MICAL3: variants seen among roughly 807,000 people sequenced by gnomAD.
The protein encoded by MICAL3 is [F-actin]-monooxygenase MICAL3.
A neutral mutation model predicts 207.4 loss-of-function variants in MICAL3; 62 were observed. That is an observed-to-expected ratio of 0.30 (90% confidence interval 0.24 to 0.37). MICAL3 has a LOEUF of 0.37. Among genes scored for constraint, MICAL3 ranks in the 10% least tolerant of loss-of-function variants. The probability of loss-of-function intolerance (pLI) is 1.00; values close to 1 mark genes in which losing one functional copy is unlikely to be tolerated. For missense variants in MICAL3, 2,368 were observed against 2,635.6 expected, an observed-to-expected ratio of 0.90 and a Z score of 2.22; for synonymous variants, 1,077 against 1,069.3, an observed-to-expected ratio of 1.01 and a Z score of -0.14.
chr22:17,801,747 A>T (rs2061942200), intron 29 of MICAL3, among the ~76,000 whole-genome samples: 1 of 151,980 alleles, frequency 6.6e-6, no homozygotes, highest in Admixed American at 6.6e-5. Flanking sequence ...CACAAAAATT[A>T]GCTGGGTGGG....
chr22:17,933,621 C>T (rs1933375201), intron 1 of MICAL3, among the ~76,000 whole-genome samples: 1 of 152,122 alleles, frequency 6.6e-6, no homozygotes, highest in Admixed American at 6.5e-5. Flanking sequence ...TAACTAAGAT[C>T]AGGGCAGAAC....
rs190590105 is a variant in MICAL3, at chr22:17,805,364, T to C, written c.5650+3480A>G. Among the ~76,000 whole-genome samples, 753 of 152,348 alleles carry C rather than the reference T, an allele frequency of 4.9e-3. 2 individuals are homozygous for C. The highest frequency in any genetic ancestry group is 8.6e-3 in the Non-Finnish European group (585 of 68,038). On this transcript the variant is annotated intron_variant, in intron 29 of 31. Transcript: ENST00000441493. ...GGGGCAGGGCCACGGGGAACTGTGA[T>C]GGGAGACCAGCTTGGAAGGGATGTA...
chr22:17,834,767 G>C (rs996087665), intron 20 of MICAL3, among the ~76,000 whole-genome samples: 7 of 152,158 alleles, frequency 4.6e-5, no homozygotes, highest in African/African-American at 1.7e-4. Context: ...ACCTTTATTG[G>C]TATTCTTTCT....
At chr22:17,819,740 C>T (rs1377096138) in intron 25 of MICAL3, among the ~76,000 whole-genome samples, 1 of 151,258 alleles carries the variant, frequency 6.6e-6, no homozygotes, top group Non-Finnish European at 1.5e-5. Context: ...GAGATCGAGA[C>T]CATCCTGGCT....
At chr22:17,932,185 C>T (rs533089078) in intron 1 of MICAL3, among the ~76,000 whole-genome samples, 1 of 152,174 alleles carries the variant, frequency 6.6e-6, no homozygotes, top group Admixed American at 6.5e-5. Flanking sequence ...GGCAGATTCA[C>T]CAAGGTTGAA....
chr22:17,854,284 G>A (rs1285627266), intron 19 of MICAL3, among the ~76,000 whole-genome samples: 1 of 152,150 alleles, frequency 6.6e-6, no homozygotes, highest in Non-Finnish European at 1.5e-5. Context: ...ACACCACAAG[G>A]CACAGGAAGC....
At chr22:17,888,215 G>A (rs1930096817) in intron 13 of MICAL3, among the ~76,000 whole-genome samples, 1 of 152,120 alleles carries the variant, frequency 6.6e-6, no homozygotes, top group South Asian at 2.1e-4. Context: ...GACGGAAAGT[G>A]AGACACAGGA....
At chr22:18,011,369 A>AC (rs1477923114) in intron 1 of MICAL3, among the ~76,000 whole-genome samples, 6 of 151,574 alleles carry the variant, frequency 4.0e-5, no homozygotes, top group African/African-American at 1.5e-4. Flanking sequence ...ACGTGGTGAA[A>AC]CCCCATCTCT....
chr22:17,891,680 T>C, intron 11 of MICAL3, 48 bp from the exon 12 acceptor site: 1 of 1,586,582 alleles, frequency 6.3e-7, no homozygotes, highest in Non-Finnish European at 8.6e-7. Context: ...CACCTGGTAA[T>C]GCTGACAGAG....
Position 17,900,144 on chromosome 22 carries a change from T to C in MICAL3, c.848-596A>G, listed in dbSNP as rs781020373. The stretch of plus-strand genomic sequence containing the variant: ...TTTGCCTTCAAGCCTGAGCTGGAAC[T>C]CAGGAAGAAGACTACATACTTAAAA... On this transcript the variant is annotated intron_variant, in intron 6 of 31. Transcript: ENST00000441493. This position sits in a 1 kb window ranked among gnomAD's most constrained non-coding sequence, Gnocchi z 4.0. Among the ~76,000 whole-genome samples, 2 of 152,154 alleles carry C rather than the reference T, an allele frequency of 1.3e-5. No individual in the cohort carries two copies. Among genetic ancestry groups the C allele is most frequent in the Non-Finnish European group, 2.9e-5 (2 of 68,036 alleles).
At chr22:17,877,265 AGTTATGGAGGTTAGGGAG>A (rs1227983554) in intron 16 of MICAL3, among the ~76,000 whole-genome samples, 3 of 4,870 alleles carry the variant, frequency 6.2e-4, no homozygotes, top group Non-Finnish European at 1.0e-3. Flanking sequence ...AGGTTAGGGA[AGTTATGGAGGTTAGGGAG>A]GTTATGGAGG....
At chr22:18,006,374 G>A (rs1569165195) in intron 1 of MICAL3, 1 of 152,228 alleles carries the variant, frequency 6.6e-6, no homozygotes, top group Non-Finnish European at 1.5e-5. Flanking sequence ...GGAGCACTAG[G>A]TTGAGAAATG....
Position 17,998,560 on chromosome 22 carries a change from A to AT in MICAL3, c.-75+25720dup, listed in dbSNP as rs34252272. On this transcript the variant is annotated intron_variant, in intron 1 of 31. Coordinates refer to ENST00000441493, the MANE Select transcript of MICAL3 (RefSeq NM_015241.3). ...AATAATAATAATAATTATTATTATT[A>AT]TTATTTTTTTTTTGAGATGAAGTCT... 3.6e-3 allele frequency among the ~76,000 whole-genome samples: 513 copies of AT among 143,970 alleles called. 3 individuals carry two copies. The highest frequency in any genetic ancestry group is 0.013 in the African/African-American group (499 of 39,540). 94.4% of individuals were successfully genotyped at this position (143,970 alleles called of 152,430 possible). A position where few individuals can be genotyped will look rare whatever the true frequency, so the allele number is the denominator to read the frequency against.
At chr22:17,859,715 C>A (rs971735252) in intron 19 of MICAL3, among the ~76,000 whole-genome samples, 2 of 152,226 alleles carry the variant, frequency 1.3e-5, no homozygotes, top group African/African-American at 4.8e-5. Flanking sequence ...AGGCGGAAGA[C>A]AGACACGCCC....
intron 1 of MICAL3, chr22:18,005,318 T>C (rs1923316226): frequency 6.6e-6 from 1 of 152,194 alleles, no homozygotes; most frequent in South Asian, 2.1e-4. Context: ...GGAGAGTTGG[T>C]AGAAGTCTAT....
chr22:17,804,752 C>G (rs937165969), intron 29 of MICAL3, among the ~76,000 whole-genome samples: 2 of 152,214 alleles, frequency 1.3e-5, no homozygotes, highest in African/African-American at 4.8e-5. Flanking sequence ...CCAAACCCCG[C>G]ATTCTGAATG....
intron 24 of MICAL3, 31 bp from the exon 25 acceptor site, chr22:17,821,540 A>T: frequency 6.6e-7 from 1 of 1,516,540 alleles, no homozygotes; most frequent in Non-Finnish European, 8.9e-7. Context: ...GACTTACAAG[A>T]GGAAGCCCCC....
At position 17,848,506 on chromosome 22, in the gene MICAL3, T is replaced by TGA. The variant is rs1482650984; in HGVS notation, c.2606-6490_2606-6489insTC. Among the ~76,000 whole-genome samples the TGA allele has an allele frequency of 2.6e-5, 4 of 152,280 alleles. No individual in the cohort carries two copies. In the East Asian group the frequency reaches 7.7e-4, roughly 29 times the overall value. On this transcript the variant is annotated intron_variant, in intron 19 of 31. Coordinates refer to ENST00000441493, the MANE Select transcript of MICAL3 (RefSeq NM_015241.3). ...ACCCCACTGCCTTGATCTGGGCTGG[T>TGA]CAAAATACAGTGAAGAATCAGCTTG...
chr22:18,021,302 G>T (rs572496821), intron 1 of MICAL3, among the ~76,000 whole-genome samples: 2 of 152,240 alleles, frequency 1.3e-5, no homozygotes, highest in African/African-American at 4.8e-5. Flanking sequence ...GCCCTGTCTC[G>T]TGAGATGGAT....
Sources: gnomAD v4.1 joint callset for allele counts (sites outside exome capture counted in the v4.1 genomes callset) on GRCh38, gnomAD v4.1.1 for gene constraint, Gnocchi (gnomAD v3.1) non-coding constraint, MANE v1.5 for transcripts, NCBI Gene and HGNC (gene_info 2026-07-23, HGNC 2026-07-21) for gene names.